The following TTC38 variants were observed in gnomAD, a reference collection of about 807,000 sequenced individuals.
The protein encoded by TTC38 is tetratricopeptide repeat domain 38.
TTC38 carries 64 observed loss-of-function variants against 64.2 expected under a neutral mutation model. The ratio of observed to expected loss-of-function variants is 1.00; its 90% CI spans 0.81 to 1.23. The LOEUF is 1.23. Among genes scored for constraint, TTC38 ranks in the 50% most tolerant of loss-of-function variants. The pLI is 0.00. For missense variants in TTC38, 573 were observed against 615.5 expected (o/e 0.93, Z 0.73); for synonymous variants, 254 against 249.3 (o/e 1.02, Z -0.18).
chr22:46,272,495 G>T lies in TTC38; in HGVS notation c.193+79G>T. On this transcript the variant is annotated intron_variant, in intron 3 of 13. Transcript: ENST00000381031. The surrounding 1 kb of genome is among the most constrained non-coding windows in gnomAD (Gnocchi z 6.4). ...CTCTTTCCTTTACCACAGGGACACA[G>T]TTGGGATGGGGAAGGCAGGTTGGGT... The T allele has an allele frequency of 7.8e-7, 1 of 1,275,176 alleles. No individual in the cohort carries two copies. The highest frequency in any genetic ancestry group is 1.1e-6 in the Non-Finnish European group (1 of 882,092). 79.0% of individuals were successfully genotyped at this position (1,275,176 alleles called of 1,614,324 possible).
At chr22:46,277,623 A>T (rs1295856659) in intron 5 of TTC38, among the ~76,000 whole-genome samples, 2 of 151,438 alleles carry the variant, frequency 1.3e-5, no homozygotes, top group African/African-American at 4.9e-5. Flanking sequence ...AAAAAAAAAA[A>T]AAAAAAGAGA....
Position 46,270,572 on chromosome 22 carries a change from C to T in TTC38, c.112-1763C>T, listed in dbSNP as rs1274977511. ...GATGCGCTGGGCGCGGTGACTCACG[C>T]CTGTAATCCCAGCACTTTGGGAGGC... On this transcript the variant is annotated intron_variant, in intron 2 of 13. Coordinates refer to ENST00000381031, the MANE Select transcript of TTC38 (RefSeq NM_017931.4). The surrounding 1 kb of genome is among the most constrained non-coding windows in gnomAD (Gnocchi z 4.7). 6.6e-6 allele frequency among the ~76,000 whole-genome samples: 1 copy of T among 152,180 alleles called. No individual in the cohort carries two copies. The highest frequency in any genetic ancestry group is 2.4e-5 in the African/African-American group (1 of 41,436).
intron 9 of TTC38, among the ~76,000 whole-genome samples, chr22:46,286,669 A>T (rs2147799456): frequency 6.6e-6 from 1 of 152,108 alleles, no homozygotes; most frequent in African/African-American, 2.4e-5. Context: ...CTCAAAAAAA[A>T]AAAAAAAAGA....
intron 9 of TTC38, among the ~76,000 whole-genome samples, chr22:46,286,185 AG>A (rs1601882080): frequency 6.6e-6 from 1 of 151,492 alleles, no homozygotes; most frequent in Non-Finnish European, 1.5e-5. Flanking sequence ...TTCTTTTGAG[AG>A]GGGGAAAAAA....
In TTC38 at chr22:46,281,618, C is replaced by T; in HGVS notation, c.635C>T (p.Thr212Ile). 1.9e-6 allele frequency: 3 copies of T among 1,614,192 alleles called. No homozygotes were observed. The highest frequency in any genetic ancestry group is 1.1e-5 in the South Asian group (1 of 91,088). The change falls in exon 7 of 14, where the codon ACA becomes ATA. Residue 212 changes from threonine (T) to isoleucine (I), a missense_variant. Physicochemically the swap from Thr to Ile is moderately conservative, Grantham distance 89. This residue lies in a region of TTC38 where 371 missense variants were observed against 381.8 expected (regional missense o/e 0.97). Transcript: ENST00000381031. This position sits in a 1 kb window ranked among gnomAD's most constrained non-coding sequence, Gnocchi z 5.2. Reference protein sequence around the residue: ...LAKEALSINPTDAWSVHTVAH... With the variant: ...LAKEALSINPIDAWSVHTVAH... ...GCGTAGGCTTTATCTATTAACCCGA[C>T]AGACGCATGGTCGGTGCACACCGTC... is the stretch of plus-strand genomic sequence containing the variant.
intron 9 of TTC38, among the ~76,000 whole-genome samples, chr22:46,285,789 G>C (rs2077567357): frequency 6.6e-6 from 1 of 151,924 alleles, no homozygotes; most frequent in Non-Finnish European, 1.5e-5. Context: ...GAGGCAGGTG[G>C]ATCATTTGAG....
intron 7 of TTC38, among the ~76,000 whole-genome samples, chr22:46,283,115 T>A (rs554859217): frequency 1.2e-3 from 176 of 152,178 alleles, no homozygotes; most frequent in Non-Finnish European, 1.6e-3. Context: ...TTTTTTTTTT[T>A]TAGAGAGACA....
At chr22:46,278,724 A>G (rs1004358484) in intron 6 of TTC38, 63 bp downstream of exon 6, 2 of 1,311,054 alleles carry the variant, frequency 1.5e-6, no homozygotes, top group African/African-American at 2.9e-5. Context: ...GGACCAGGGC[A>G]TATGAGGGGC....
chr22:46,273,835 C>CTGGGCTGGGA lies in TTC38; in HGVS notation c.194-55_194-46dup. 6.4e-7 allele frequency: 1 copy of CTGGGCTGGGA among 1,567,172 alleles called. No individual in the cohort carries two copies. The highest frequency in any genetic ancestry group is 1.4e-5 in the African/African-American group (1 of 74,012). ...GGGGTGTCTCTGTGACATGTGGAGT[C>CTGGGCTGGGA]TGGGCTGGGATGGGCTGAGCTGGAC... On this transcript the variant is annotated intron_variant, in intron 3 of 13. Coordinates refer to ENST00000381031, the MANE Select transcript of TTC38 (RefSeq NM_017931.4). This position sits in a 1 kb window ranked among gnomAD's most constrained non-coding sequence, Gnocchi z 5.1.
rs754990612 is a variant in TTC38 at position 46,289,891 on chromosome 22, C to T, written c.1308C>T (p.Asn436=). The T allele has an allele frequency of 8.7e-6, 14 of 1,614,068 alleles. No homozygotes were observed. In the East Asian group the frequency reaches 8.9e-5, roughly 10 times the overall value. ...ALNCTSSVHK[N]VARSLLMERD... ...ACTGCACCTCCAGCGTCCATAAGAA[C>T]GTAGCCCGGTGAGCTCCTGGCCCCT... The change falls in exon 13 of 14, where the codon AAC becomes AAT. Residue 436 remains asparagine (N), a synonymous_variant. Transcript: ENST00000381031.
Position 46,275,211 on chromosome 22 carries a change from T to C in TTC38, c.366-37T>C, listed in dbSNP as rs1936981374. 6.3e-7 allele frequency: 1 copy of C among 1,592,442 alleles called. No individual in the cohort carries two copies. Among genetic ancestry groups the C allele is most frequent in the Non-Finnish European group, 8.6e-7 (1 of 1,166,082 alleles). On this transcript the variant is annotated intron_variant, in intron 4 of 13. Transcript: ENST00000381031. The surrounding 1 kb of genome is among the most constrained non-coding windows in gnomAD (Gnocchi z 4.5). ...ACACTCCCTGTGTGGGTGGACTATGTGTTCAGCGTTGGTGAGAAATCTTTC... is the reference window on the plus strand; with the variant it reads ...ACACTCCCTGTGTGGGTGGACTATGCGTTCAGCGTTGGTGAGAAATCTTTC...
At position 46,292,980 on chromosome 22, in the gene TTC38, G is replaced by T; in HGVS notation, c.*96G>T. ...GGGTTAGGGTCAGGAGACGGCCAGA[G>T]CCTGTTTGTTAGGGCTGTTAGAGGG... On this transcript the variant is annotated 3_prime_UTR_variant, in exon 14 of 14. Transcript: ENST00000381031. The surrounding 1 kb of genome is among the most constrained non-coding windows in gnomAD (Gnocchi z 6.5). 1 of 955,892 alleles carries T rather than the reference G, an allele frequency of 1.0e-6. No homozygotes were observed. Among genetic ancestry groups the T allele is most frequent in the Non-Finnish European group, 1.7e-6 (1 of 603,030 alleles). The allele number at this position is 955,892 out of a possible 1,614,324, so 59.2% of individuals were successfully genotyped here.
In TTC38 at chr22:46,291,623, G is replaced by T. The variant is rs572184487; in HGVS notation, c.1317-1168G>T. 1.3e-5 allele frequency among the ~76,000 whole-genome samples: 2 copies of T among 152,272 alleles called. No individual in the cohort carries two copies. Among genetic ancestry groups the T allele is most frequent in the Admixed American group, 1.3e-4 (2 of 15,302 alleles). On this transcript the variant is annotated intron_variant, in intron 13 of 13. Transcript: ENST00000381031. This position sits in a 1 kb window ranked among gnomAD's most constrained non-coding sequence, Gnocchi z 4.6. ...CTAGAACCACTGTTTTCAGGTGTTT[G>T]GGGGCTGTCTTAGTCAGTTTGGGTT...
intron 7 of TTC38, among the ~76,000 whole-genome samples, chr22:46,283,587 C>T (rs919038205): frequency 6.6e-6 from 1 of 152,126 alleles, no homozygotes; most frequent in African/African-American, 2.4e-5. Context: ...CGCGGTGGCT[C>T]ATGCCTGTAA....
intron 2 of TTC38, among the ~76,000 whole-genome samples, chr22:46,269,780 C>T (rs1481935118): frequency 2.0e-5 from 3 of 152,216 alleles, no homozygotes; most frequent in African/African-American, 7.2e-5. Context: ...TCTCGCCGGC[C>T]TCTGTAGAGT....
intron 2 of TTC38, 77 bp downstream of exon 2, chr22:46,268,668 TTTTGTTTTG>T (rs1721164134): frequency 4.2e-5 from 31 of 737,224 alleles, no homozygotes; most frequent in Non-Finnish European, 5.8e-5. Context: ...AAAGCTGTTT[TTTTGTTTTG>T]TTTTGTTTTG....
chr22:46,288,381 G>C, intron 10 of TTC38, 42 bp from the exon 11 acceptor site: 1 of 1,591,892 alleles, frequency 6.3e-7, no homozygotes, highest in Non-Finnish European at 8.6e-7. Flanking sequence ...ACATGCCCCA[G>C]AGCCTCACTC....
chr22:46,274,125 G>A lies in TTC38; in HGVS notation c.365+56G>A, dbSNP rs576796552. The stretch of plus-strand genomic sequence containing the variant: ...ACCCTGAGGCTGAGCTGGGGGAGTG[G>A]CAGGGTATCCCTTTCCTGATGCCCT... On this transcript the variant is annotated intron_variant, in intron 4 of 13. Transcript: ENST00000381031. The surrounding 1 kb of genome is among the most constrained non-coding windows in gnomAD (Gnocchi z 4.8). 26 of 1,529,820 alleles carry A rather than the reference G, an allele frequency of 1.7e-5. No homozygotes were observed. The East Asian group carries it at 2.1e-4, about 12-fold the overall frequency. The allele number at this position is 1,529,820 out of a possible 1,614,324, so 94.8% of individuals were successfully genotyped here.
At chr22:46,269,089 C>CCCT (rs1936832953) in intron 2 of TTC38, 1 of 215,484 alleles carries the variant, frequency 4.6e-6, no homozygotes, top group African/African-American at 2.8e-4. Flanking sequence ...CATATCTCTG[C>CCCT]CCCCCCCCCA....
Sources: gnomAD v4.1 joint callset for allele counts (sites outside exome capture counted in the v4.1 genomes callset) on GRCh38, gnomAD v4.1.1 for gene constraint, gnomAD v4.1.1 regional missense constraint, Gnocchi (gnomAD v3.1) non-coding constraint, MANE v1.5 for transcripts, NCBI Gene and HGNC (gene_info 2026-07-23, HGNC 2026-07-21) for gene names.